The following GPD1L variants were observed in gnomAD, a reference collection of about 807,000 sequenced individuals.
GPD1L encodes glycerol-3-phosphate dehydrogenase 1 like.
A neutral mutation model predicts 32.9 loss-of-function variants in GPD1L; 17 were observed. The ratio of observed to expected loss-of-function variants is 0.52; its 90% CI spans 0.35 to 0.78. The LOEUF (loss-of-function observed/expected upper bound fraction) is 0.78. Among genes scored for constraint, GPD1L ranks in the 30% least tolerant of loss-of-function variants. The pLI, the probability that GPD1L is intolerant of heterozygous loss-of-function variation, is 0.01. For synonymous variants in GPD1L, 187 were observed against 165.9 expected, an observed-to-expected ratio of 1.13 and a Z score of -0.98; for missense variants, 361 against 447.8, an observed-to-expected ratio of 0.81 and a Z score of 1.75.
rs562527264 is a variant in GPD1L at position 32,161,337 on chromosome 3, GC to G, written c.959+1665del. 3.9e-3 allele frequency among the ~76,000 whole-genome samples: 595 copies of G among 152,272 alleles called. 5 individuals carry two copies. The highest frequency in any genetic ancestry group is 0.014 in the African/African-American group (567 of 41,534). The stretch of plus-strand genomic sequence containing the variant: ...AGAGATGGAAGTTCACAAACAGGCT[GC>G]CAAAGGAGGAGAACTACCTTTAAAT... On this transcript the variant is annotated intron_variant, in intron 7 of 7. Transcript: ENST00000282541.
chr3:32,156,336 G>T (rs1217165423), intron 5 of GPD1L, among the ~76,000 whole-genome samples: 3 of 152,234 alleles, frequency 2.0e-5, no homozygotes, highest in South Asian at 2.1e-4. Context: ...CAGGCTGTCA[G>T]TTCCTAGGAC....
chr3:32,130,870 G>A (rs968531808), intron 2 of GPD1L, among the ~76,000 whole-genome samples: 8 of 151,994 alleles, frequency 5.3e-5, no homozygotes, highest in African/African-American at 1.5e-4. Flanking sequence ...AAAATTAGCC[G>A]GGTGTAGTGG....
In GPD1L at chr3:32,140,315, G is replaced by A. The variant is rs760749277; in HGVS notation, c.454G>A (p.Ala152Thr). The A allele has an allele frequency of 6.2e-7, 1 of 1,614,028 alleles. No individual in the cohort carries two copies. Among genetic ancestry groups the A allele is most frequent in the Non-Finnish European group, 8.5e-7 (1 of 1,180,000 alleles). Reference protein sequence around the residue: ...MGIDISVLMGANIANEVAAEK... With the variant: ...MGIDISVLMGTNIANEVAAEK... ...TATTGACATCAGTGTGCTGATGGGA[G>A]CCAACATTGCCAATGAGGTGGCTGC... Residue 152 changes from alanine (A) to threonine (T), a missense_variant, in exon 4 of 8, where the codon GCC becomes ACC. Physicochemically the swap from Ala to Thr is moderately conservative, Grantham distance 58. Transcript: ENST00000282541.
chr3:32,151,061 C>G (rs764057752), intron 5 of GPD1L: 7 of 326,122 alleles, frequency 2.1e-5, no homozygotes, highest in Non-Finnish European at 3.7e-5. Context: ...AGCCATCACA[C>G]CCAGCCTATT....
chr3:32,134,084 C>T (rs1486449134), intron 2 of GPD1L, among the ~76,000 whole-genome samples: 1 of 152,188 alleles, frequency 6.6e-6, no homozygotes, highest in Non-Finnish European at 1.5e-5. Context: ...GAACGATGGA[C>T]ACCTTCAGAG....
intron 1 of GPD1L, among the ~76,000 whole-genome samples, chr3:32,126,891 T>C (rs1700515710): frequency 1.3e-5 from 2 of 151,910 alleles, no homozygotes; most frequent in African/African-American, 4.9e-5. Context: ...TTTTTAAATC[T>C]CCCGGGTAAC....
intron 2 of GPD1L, among the ~76,000 whole-genome samples, chr3:32,134,090 C>T (rs1284014849): frequency 6.6e-6 from 1 of 152,186 alleles, no homozygotes; most frequent in African/African-American, 2.4e-5. Context: ...TGGACACCTT[C>T]AGAGTTTTGG....
chr3:32,118,349 C>T (rs542833906), intron 1 of GPD1L, among the ~76,000 whole-genome samples: 25 of 152,274 alleles, frequency 1.6e-4, no homozygotes, highest in African/African-American at 6.0e-4. Context: ...TGTGCATCTA[C>T]TATGTCAACA....
intron 2 of GPD1L, among the ~76,000 whole-genome samples, chr3:32,131,024 TAGAATGCTCCGTTTAAAAAAAAAA>T (rs1700580639): frequency 6.6e-6 from 1 of 150,660 alleles, no homozygotes; most frequent in Non-Finnish European, 1.5e-5. Flanking sequence ...AAAAAAAAAA[TAGAATGCTCCGTTTAAAAAAAAAA>T]AGAATGCTCA....
At chr3:32,117,298 C>T (rs911748531) in intron 1 of GPD1L, among the ~76,000 whole-genome samples, 1 of 152,158 alleles carries the variant, frequency 6.6e-6, no homozygotes, top group Non-Finnish European at 1.5e-5. Flanking sequence ...GAAGCCAGAA[C>T]AATACATGAG....
At chr3:32,116,929 G>A (rs970837453) in intron 1 of GPD1L, among the ~76,000 whole-genome samples, 2 of 152,208 alleles carry the variant, frequency 1.3e-5, no homozygotes. Context: ...GTTATGTAAT[G>A]TGTTCTAAGT....
rs116007599 is a variant in GPD1L at position 32,137,522 on chromosome 3, C to T, written c.226-1065C>T. Among the ~76,000 whole-genome samples, 293 of 152,318 alleles carry T rather than the reference C, an allele frequency of 1.9e-3. 2 individuals are homozygous for T. Among genetic ancestry groups the T allele is most frequent in the African/African-American group, 6.9e-3 (285 of 41,572 alleles). ...GTCACAGGCAGCACTTCCATTGATG[C>T]TCCCTTGATCAGAACTCAGTCACAT... On this transcript the variant is annotated intron_variant, in intron 2 of 7. Coordinates refer to ENST00000282541, the MANE Select transcript of GPD1L (RefSeq NM_015141.4).
In GPD1L at chr3:32,121,535, A is replaced by C. The variant is rs867289896; in HGVS notation, c.48-6541A>C. Among the ~76,000 whole-genome samples the C allele has an allele frequency of 2.5e-4, 20 of 79,920 alleles. No homozygotes were observed. The East Asian group carries it at 0.01, about 41-fold the overall frequency. The allele number at this position is 79,920 out of a possible 152,430, so 52.4% of individuals were successfully genotyped here. A position where few individuals can be genotyped will look rare whatever the true frequency, so the allele number is the denominator to read the frequency against. The stretch of plus-strand genomic sequence containing the variant: ...TATATTTCTCTCTATATATATTTCT[A>C]TGTATATATTTCTATATATATATTT... On this transcript the variant is annotated intron_variant, in intron 1 of 7. Coordinates refer to ENST00000282541, the MANE Select transcript of GPD1L (RefSeq NM_015141.4).
chr3:32,107,257 C>A (rs1385840615), intron 1 of GPD1L, among the ~76,000 whole-genome samples: 1 of 152,148 alleles, frequency 6.6e-6, no homozygotes, highest in African/African-American at 2.4e-5. Context: ...GCCCGTCTCG[C>A]CCCCGCTTCT....
chr3:32,166,056 G>A lies in GPD1L; in HGVS notation c.*146G>A, dbSNP rs1029092984. On this transcript the variant is annotated 3_prime_UTR_variant, in exon 8 of 8. Coordinates refer to ENST00000282541, the MANE Select transcript of GPD1L (RefSeq NM_015141.4). ...ATTTTTACAGGTTCGTTTTTGAATT[G>A]TGAGAGGCAGTTCATTAGCAAAGAT... is the stretch of plus-strand genomic sequence containing the variant. The A allele has an allele frequency of 1.4e-6, 1 of 690,798 alleles. No homozygotes were observed. The highest frequency in any genetic ancestry group is 1.8e-5 in the African/African-American group (1 of 56,882). The allele number at this position is 690,798 out of a possible 1,614,324, so 42.8% of individuals were successfully genotyped here.
At chr3:32,157,707 A>G (rs1358560491) in intron 5 of GPD1L, among the ~76,000 whole-genome samples, 1 of 152,232 alleles carries the variant, frequency 6.6e-6, no homozygotes, top group East Asian at 1.9e-4. Context: ...GCCAGACAGA[A>G]GAGGCCTTGT....
At position 32,138,717 on chromosome 3, in the gene GPD1L, C is replaced by A. The variant is rs766627054; in HGVS notation, c.356C>A (p.Thr119Asn). The change falls in exon 3 of 8, where the codon ACC becomes AAC. Residue 119 changes from threonine (T) to asparagine (N), a missense_variant. Physicochemically the swap from Thr to Asn is moderately conservative, Grantham distance 65. Transcript: ENST00000282541. Reference sequence around the variant, plus strand: ...GTGCCCAAGAAAGCGCTGGGAATCACCCTCATCAAGGTAACTCGAGTGCAT... The same window carrying A: ...GTGCCCAAGAAAGCGCTGGGAATCAACCTCATCAAGGTAACTCGAGTGCAT... ...GRVPKKALGI[T>N]LIKGIDEGPE... 1.4e-5 allele frequency: 22 copies of A among 1,613,914 alleles called. No homozygotes were observed. Among genetic ancestry groups the A allele is most frequent in the Non-Finnish European group, 3.4e-6 (4 of 1,179,952 alleles).
At chr3:32,131,458 A>G (rs945706137) in intron 2 of GPD1L, among the ~76,000 whole-genome samples, 1 of 152,128 alleles carries the variant, frequency 6.6e-6, no homozygotes, top group African/African-American at 2.4e-5. Flanking sequence ...TTCTATCTCT[A>G]TAGATTTACC....
rs927039772 is a variant in GPD1L at position 32,143,396 on chromosome 3, C to A, written c.505+3030C>A. ...GCGAGCCACTGTGCCCAGCCTATAA[C>A]CTGAATTTAATCATGAGAAAATATC... On this transcript the variant is annotated intron_variant, in intron 4 of 7. Coordinates refer to ENST00000282541, the MANE Select transcript of GPD1L (RefSeq NM_015141.4). 3.3e-5 allele frequency among the ~76,000 whole-genome samples: 5 copies of A among 152,054 alleles called. No homozygotes were observed. In the East Asian group the frequency reaches 9.6e-4, roughly 29 times the overall value.
Sources: allele counts gnomAD v4.1 joint callset (sites outside exome capture counted in the v4.1 genomes callset), GRCh38; gene constraint gnomAD v4.1.1; transcripts MANE v1.5; gene names NCBI Gene and HGNC (gene_info 2026-07-23, HGNC 2026-07-21).